HPSE2: variants seen among roughly 807,000 people sequenced by gnomAD.
HPSE2 encodes the protein heparanase 2 (inactive).
In HPSE2, 38 loss-of-function variants were observed where a neutral mutation model predicts 60.5. The ratio of observed to expected loss-of-function variants is 0.63; its 90% confidence interval spans 0.48 to 0.82. The LOEUF (loss-of-function observed/expected upper bound fraction) is 0.82. HPSE2 is among the 40% of genes least tolerant of loss of function. HPSE2 has a pLI of 0.00. For missense variants in HPSE2, 713 were observed against 740.4 expected (o/e 0.96, Z 0.43); for synonymous variants, 295 against 293.2 (o/e 1.01, Z -0.06).
intron 3 of HPSE2, among the ~76,000 whole-genome samples, chr10:98,841,797 A>T (rs75608601): frequency 0.027 from 4,081 of 151,842 alleles, 136 homozygotes; most frequent in East Asian, 0.16. Context: ...CAGGGATTAC[A>T]ATTCCTTGTA....
chr10:99,155,792 T>A (rs1303476364), intron 2 of HPSE2, among the ~76,000 whole-genome samples: 2 of 146,248 alleles, frequency 1.4e-5, no homozygotes, highest in Non-Finnish European at 3.0e-5. Flanking sequence ...AAAAAACCCT[T>A]CAAAAAATTA....
chr10:98,721,904 T>A, intron 4 of HPSE2, 76 bp from the exon 5 acceptor site: 1 of 1,168,234 alleles, frequency 8.6e-7, no homozygotes, highest in Non-Finnish European at 1.3e-6. Context: ...CACAGATCTC[T>A]CTGCCTTTTT....
intron 2 of HPSE2, among the ~76,000 whole-genome samples, chr10:99,178,477 G>A (rs1431044339): frequency 2.0e-5 from 3 of 151,346 alleles, no homozygotes; most frequent in African/African-American, 7.2e-5. Flanking sequence ...TACCATCAGA[G>A]AATACTATAA....
At chr10:98,968,778 A>T (rs1183106855) in intron 3 of HPSE2, among the ~76,000 whole-genome samples, 1 of 151,820 alleles carries the variant, frequency 6.6e-6, no homozygotes, top group Non-Finnish European at 1.5e-5. Flanking sequence ...TTTCACTTAT[A>T]TGTGGGAGCT....
intron 3 of HPSE2, among the ~76,000 whole-genome samples, chr10:99,088,448 C>T (rs572294382): frequency 4.6e-5 from 7 of 152,252 alleles, no homozygotes; most frequent in South Asian, 4.1e-4. Context: ...TGAGTGAGAA[C>T]ATAACGTTTG....
chr10:98,744,527 CAAAAACAAAACAAAACAA>C (rs1278615256), intron 3 of HPSE2, among the ~76,000 whole-genome samples: 1 of 150,924 alleles, frequency 6.6e-6, no homozygotes, highest in Non-Finnish European at 1.5e-5. Context: ...AACTCCGTCT[CAAAAACAAAACAAAACAA>C]AAAAACAAAA....
chr10:99,290,183 G>A, the HPSE2 span, among the ~76,000 whole-genome samples: 1 of 152,164 alleles, frequency 6.6e-6, no homozygotes, highest in African/African-American at 2.4e-5. Flanking sequence ...TAGGGGGCAG[G>A]GAAGAGAGTC....
intron 5 of HPSE2, among the ~76,000 whole-genome samples, chr10:98,712,925 T>C: frequency 6.6e-6 from 1 of 152,156 alleles, no homozygotes; most frequent in East Asian, 1.9e-4. Context: ...ACAACATACT[T>C]CTTGCCCTTA....
chr10:98,959,758 G>C (rs1052697143), intron 3 of HPSE2, among the ~76,000 whole-genome samples: 2 of 152,194 alleles, frequency 1.3e-5, no homozygotes, highest in Non-Finnish European at 2.9e-5. Flanking sequence ...CATCTATGTA[G>C]AGACAACTAG....
chr10:98,526,678 C>T (rs530898462), intron 9 of HPSE2, among the ~76,000 whole-genome samples: 12 of 152,218 alleles, frequency 7.9e-5, no homozygotes, highest in South Asian at 4.2e-4. Flanking sequence ...GGACGAAGGA[C>T]GGGTTAGGAA....
chr10:99,085,959 T>C (rs1371300579), intron 3 of HPSE2, among the ~76,000 whole-genome samples: 2 of 152,178 alleles, frequency 1.3e-5, no homozygotes, highest in Admixed American at 6.5e-5. Context: ...CTTATTGCCC[T>C]GCCCATACCT....
chr10:98,614,550 C>T (rs2133974153), intron 9 of HPSE2, among the ~76,000 whole-genome samples: 1 of 152,152 alleles, frequency 6.6e-6, no homozygotes, highest in Admixed American at 6.5e-5. Flanking sequence ...CCTTGGCCTC[C>T]CAAAGTGCTG....
chr10:98,974,842 G>T (rs1956048492), intron 3 of HPSE2, among the ~76,000 whole-genome samples: 1 of 152,134 alleles, frequency 6.6e-6, no homozygotes, highest in Non-Finnish European at 1.5e-5. Flanking sequence ...AAGATTGTAT[G>T]TAGCGGTACT....
chr10:99,147,779 A>C (rs2135788272), intron 2 of HPSE2, among the ~76,000 whole-genome samples: 1 of 152,318 alleles, frequency 6.6e-6, no homozygotes, highest in South Asian at 2.1e-4. Flanking sequence ...ATAAACACAA[A>C]GCAAAGATAC....
chr10:99,033,509 G>A (rs1424634356), intron 3 of HPSE2, among the ~76,000 whole-genome samples: 6 of 152,194 alleles, frequency 3.9e-5, no homozygotes, highest in South Asian at 2.1e-4. Flanking sequence ...CAGGCCAGGC[G>A]CAGTGGCTTA....
intron 3 of HPSE2, among the ~76,000 whole-genome samples, chr10:99,134,860 A>G (rs1172726204): frequency 2.0e-5 from 3 of 152,224 alleles, no homozygotes; most frequent in Non-Finnish European, 4.4e-5. Context: ...AAATTCACAC[A>G]TAACAATATT....
chr10:99,098,762 T>C (rs542865587), intron 3 of HPSE2, among the ~76,000 whole-genome samples: 2 of 152,320 alleles, frequency 1.3e-5, no homozygotes, highest in East Asian at 3.9e-4. Context: ...TTTATTGACA[T>C]AGACTTTAAC....
intron 5 of HPSE2, among the ~76,000 whole-genome samples, chr10:98,703,026 G>A (rs1486119129): frequency 6.6e-6 from 1 of 152,006 alleles, no homozygotes; most frequent in African/African-American, 2.4e-5. Context: ...TAACAAAATA[G>A]ATAGACTGCT....
rs1158435179 is a variant in HPSE2 at position 98,803,838 on chromosome 10, G to GT, written c.611-59783dup. On this transcript the variant is annotated intron_variant, in intron 3 of 11. Transcript: ENST00000370552. The stretch of plus-strand genomic sequence containing the variant: ...TTGGTTCCATATGAACTTTAAAGTA[G>GT]TTTTTTCCAATTCTGTGAAGAAAGT... 1.5e-3 allele frequency among the ~76,000 whole-genome samples: 227 copies of GT among 151,794 alleles called. 1 individual carries two copies. Among genetic ancestry groups the GT allele is most frequent in the Non-Finnish European group, 1.8e-3 (124 of 67,928 alleles).
Sources: gnomAD v4.1 joint callset for allele counts (sites outside exome capture counted in the v4.1 genomes callset) on GRCh38, gnomAD v4.1.1 for gene constraint, MANE v1.5 for transcripts, NCBI Gene and HGNC (gene_info 2026-07-23, HGNC 2026-07-21) for gene names.